Variants in ESR1 observed in about 807,000 individuals in gnomAD.
The protein encoded by ESR1 is estrogen receptor 1, also known as estrogen receptor.
Under a neutral mutation model 52.7 loss-of-function variants are expected in ESR1, and 12 were observed. The ratio of observed to expected loss-of-function variants is 0.23; its 90% CI spans 0.15 to 0.37. ESR1 has a LOEUF of 0.37. ESR1 is among the 10% of genes least tolerant of loss of function. ESR1 has a pLI of 1.00. For missense variants in ESR1, 584 were observed against 779.7 expected (o/e 0.75, Z 2.99); for synonymous variants, 305 against 316.8 (o/e 0.96, Z 0.39).
intron 4 of ESR1, among the ~76,000 whole-genome samples, chr6:151,961,753 G>A (rs1362677343): frequency 2.0e-5 from 3 of 151,946 alleles, no homozygotes; most frequent in Non-Finnish European, 4.4e-5. Context: ...AGCGGCAAGA[G>A]TAGTTGTGCC....
chr6:151,893,123 G>A (rs536772754), intron 3 of ESR1, among the ~76,000 whole-genome samples: 12 of 152,308 alleles, frequency 7.9e-5, no homozygotes, highest in South Asian at 6.2e-4. Flanking sequence ...CCTGGGAGGC[G>A]GAGCTTGCAG....
At chr6:151,839,945 A>G (rs1784013096) in intron 1 of ESR1, among the ~76,000 whole-genome samples, 1 of 152,184 alleles carries the variant, frequency 6.6e-6, no homozygotes, top group Non-Finnish European at 1.5e-5. Context: ...TTACGATGGT[A>G]AATTTTGTGT....
At chr6:151,893,465 AT>A (rs1794996371) in intron 3 of ESR1, among the ~76,000 whole-genome samples, 2 of 151,570 alleles carry the variant, frequency 1.3e-5, no homozygotes, top group African/African-American at 4.8e-5. Context: ...AGGTGATTAT[AT>A]TTTTTATATT....
At chr6:151,992,758 T>G (rs1159827858) in intron 4 of ESR1, among the ~76,000 whole-genome samples, 1 of 152,118 alleles carries the variant, frequency 6.6e-6, no homozygotes, top group African/African-American at 2.4e-5. Flanking sequence ...AAAGAATGAT[T>G]TTTTTTGTGA....
chr6:151,939,534 T>C (rs2034791084), intron 3 of ESR1, among the ~76,000 whole-genome samples: 1 of 152,190 alleles, frequency 6.6e-6, no homozygotes, highest in South Asian at 2.1e-4. Flanking sequence ...CAGGCTGTTA[T>C]TTCTGATTTG....
chr6:152,056,673 C>T (rs2047132190), intron 5 of ESR1, among the ~76,000 whole-genome samples: 1 of 152,150 alleles, frequency 6.6e-6, no homozygotes, highest in Non-Finnish European at 1.5e-5. Context: ...AAATGGACCA[C>T]ATTTGAAGAA....
At chr6:151,980,806 C>A (rs981819914) in intron 4 of ESR1, among the ~76,000 whole-genome samples, 1 of 152,118 alleles carries the variant, frequency 6.6e-6, no homozygotes, top group Non-Finnish European at 1.5e-5. Context: ...CGGGTTCAAG[C>A]GATTCTCCTG....
intron 2 of ESR1, among the ~76,000 whole-genome samples, chr6:151,723,796 G>C (rs1781635322): frequency 1.3e-5 from 2 of 152,128 alleles, no homozygotes; most frequent in African/African-American, 2.4e-5. Flanking sequence ...CTTGAACCCG[G>C]GAGGCCGAGG....
At chr6:151,850,823 A>G (rs939942571) in intron 2 of ESR1, among the ~76,000 whole-genome samples, 4 of 152,128 alleles carry the variant, frequency 2.6e-5, no homozygotes, top group African/African-American at 9.7e-5. Flanking sequence ...ATCTCCTTAA[A>G]TGCATTTTCA....
intron 1 of ESR1, chr6:151,809,156 G>A (rs760044093): frequency 8.1e-5 from 36 of 443,314 alleles, no homozygotes; most frequent in African/African-American, 6.1e-4. Context: ...TCCCACCCGG[G>A]GAGAATGCCC....
At chr6:151,842,338 T>G (rs1171149437) in intron 1 of ESR1, among the ~76,000 whole-genome samples, 1 of 152,200 alleles carries the variant, frequency 6.6e-6, no homozygotes, top group Non-Finnish European at 1.5e-5. Context: ...CTAATTTCAT[T>G]TTGTCATTTT....
intron 4 of ESR1, among the ~76,000 whole-genome samples, chr6:151,989,478 T>TA (rs532567150): frequency 6.6e-6 from 1 of 151,290 alleles, no homozygotes; most frequent in Admixed American, 6.6e-5. Context: ...CAAAAGTATT[T>TA]AAAAAAATCA....
chr6:152,105,521 G>A (rs2051053975), downstream of ESR1, among the ~76,000 whole-genome samples: 1 of 151,392 alleles, frequency 6.6e-6, no homozygotes, highest in Non-Finnish European at 1.5e-5. Flanking sequence ...TGCCTCCTGG[G>A]TTCAAGCGAT....
At position 151,778,680 on chromosome 6, in the gene ESR1, A is replaced by G. The variant is rs570460733; in HGVS notation, c.-70-29163A>G. ...CTCAGCCTCCCAAAGTGCTGGGATT[A>G]CAGGTGTGAGCCACCATACCTGCCA... On this transcript the variant is annotated intron_variant, in intron 2 of 2. Transcript: ENST00000404742. Among the ~76,000 whole-genome samples, 7 of 152,290 alleles carry G rather than the reference A, an allele frequency of 4.6e-5. No individual in the cohort carries two copies. In the East Asian group the frequency reaches 1.3e-3, roughly 29 times the overall value.
At chr6:151,689,049 TA>T, upstream of ESR1, among the ~76,000 whole-genome samples, 1 of 152,222 alleles carries the variant, frequency 6.6e-6, no homozygotes, top group Non-Finnish European at 1.5e-5. Context: ...GAAAAGGAAA[TA>T]ATCTATAACC....
intron 6 of ESR1, among the ~76,000 whole-genome samples, chr6:152,112,600 G>C (rs2051158006): frequency 2.6e-5 from 4 of 152,174 alleles, no homozygotes; most frequent in Admixed American, 2.6e-4. Flanking sequence ...TCACCATCCT[G>C]GTGCCACACT....
At chr6:152,054,949 A>C (rs2128937607) in intron 5 of ESR1, among the ~76,000 whole-genome samples, 1 of 152,346 alleles carries the variant, frequency 6.6e-6, no homozygotes, top group Admixed American at 6.5e-5. Flanking sequence ...CCCTTTGGTC[A>C]TTTGGGAGCA....
At chr6:152,060,514 C>T (rs1164490876) in intron 5 of ESR1, among the ~76,000 whole-genome samples, 1 of 152,168 alleles carries the variant, frequency 6.6e-6, no homozygotes, top group Non-Finnish European at 1.5e-5. Context: ...TGTAGTTGTT[C>T]TTGTACTTCA....
chr6:151,926,041 T>A (rs1173892483), intron 3 of ESR1, among the ~76,000 whole-genome samples: 2 of 152,176 alleles, frequency 1.3e-5, no homozygotes, highest in East Asian at 1.9e-4. Flanking sequence ...TCAGCAACAT[T>A]TTCTTTTTAT....
Sources: gnomAD v4.1 joint callset for allele counts (sites outside exome capture counted in the v4.1 genomes callset) on GRCh38, gnomAD v4.1.1 for gene constraint, MANE v1.5 for transcripts, NCBI Gene and HGNC (gene_info 2026-07-23, HGNC 2026-07-21) for gene names.